PI4KA: variants seen among roughly 807,000 people sequenced by gnomAD.
PI4KA encodes phosphatidylinositol 4-kinase alpha.
Under a neutral mutation model 271.4 loss-of-function variants are expected in PI4KA, and 122 were observed. The ratio of observed to expected loss-of-function variants is 0.45; its 90% CI spans 0.39 to 0.52. PI4KA has a LOEUF of 0.52. Ranked by LOEUF, PI4KA falls within the 20% of genes least tolerant of loss-of-function variation. The pLI, the probability that PI4KA is intolerant of heterozygous loss-of-function variation, is 0.00. For synonymous variants in PI4KA, 1,041 were observed against 1,078.8 expected (o/e 0.96, Z 0.69); for missense variants, 1,969 against 2,769.1 (o/e 0.71, Z 6.48).
At chr22:20,728,302 G>A (rs894903714) in intron 39 of PI4KA, among the ~76,000 whole-genome samples, 18 of 152,150 alleles carry the variant, frequency 1.2e-4, no homozygotes, top group African/African-American at 3.6e-4. Flanking sequence ...ACGGCTAAAT[G>A]TTCTATTATG....
At chr22:20,807,732 C>T (rs929786407) in intron 9 of PI4KA, among the ~76,000 whole-genome samples, 5 of 152,148 alleles carry the variant, frequency 3.3e-5, no homozygotes, top group African/African-American at 1.2e-4. Context: ...GTGGCTGAAG[C>T]TCACCATCTT....
chr22:20,712,865 A>G, intron 48 of PI4KA, 68 bp from the exon 49 acceptor site: 1 of 1,550,016 alleles, frequency 6.5e-7, no homozygotes, highest in Admixed American at 2.0e-5. Flanking sequence ...CTTCTGGCTC[A>G]TGCAGGGCAA....
chr22:20,804,860 G>A (rs1422725416), intron 11 of PI4KA, 114 bp downstream of exon 11: 3 of 837,528 alleles, frequency 3.6e-6, no homozygotes, highest in South Asian at 3.3e-5. Flanking sequence ...TACTGCAACT[G>A]CCTGTGCTGG....
intron 32 of PI4KA, among the ~76,000 whole-genome samples, chr22:20,737,072 T>C (rs1928821680): frequency 6.6e-6 from 1 of 152,314 alleles, no homozygotes; most frequent in Non-Finnish European, 1.5e-5. Context: ...CAGTTCACCA[T>C]GCAGGCTGTG....
chr22:20,849,439 T>C (rs1291604641), intron 1 of PI4KA, among the ~76,000 whole-genome samples: 1 of 152,156 alleles, frequency 6.6e-6, no homozygotes. Context: ...GTAGAAACAA[T>C]CCAAACATCC....
At chr22:20,721,117 T>C (rs1288414881) in intron 43 of PI4KA, among the ~76,000 whole-genome samples, 181 bp downstream of exon 43, 1 of 152,068 alleles carries the variant, frequency 6.6e-6, no homozygotes, top group Non-Finnish European at 1.5e-5. Context: ...AAAGGTGTCA[T>C]GAAGGAGGGG....
intron 18 of PI4KA, 130 bp downstream of exon 18, chr22:20,796,016 G>C: frequency 1.2e-6 from 1 of 832,186 alleles, no homozygotes; most frequent in Non-Finnish European, 1.9e-6. Flanking sequence ...CTTCTTACTT[G>C]CATTCCAGGC....
At chr22:20,731,324 T>C (rs1286974315) in intron 36 of PI4KA, among the ~76,000 whole-genome samples, 1 of 152,238 alleles carries the variant, frequency 6.6e-6, no homozygotes, top group African/African-American at 2.4e-5. Flanking sequence ...TAAGGACTGT[T>C]TGCCCTCTTC....
rs764607070 is a variant in PI4KA at position 20,733,791 on chromosome 22, T to C, written c.4105A>G (p.Thr1369Ala). The change falls in exon 35 of 55, where the codon ACC (threonine) becomes GCC (alanine). Residue 1369 changes from threonine to alanine, a missense_variant. By Grantham distance (58) the Thr-to-Ala change is moderately conservative (BLOSUM62 0). Transcript: ENST00000255882. The part of the protein sequence containing the change: ...LLHADVVPNA[T>A]IRNVLREKIY... ...TTCTCGCGAAGCACATTGCGGATGG[T>C]TGCATTTGGAACCACATCGGCATGC... 3.1e-6 allele frequency: 5 copies of C among 1,612,836 alleles called. No homozygotes were observed. The highest frequency in any genetic ancestry group is 2.2e-5 in the East Asian group (1 of 44,862).
Position 20,718,713 on chromosome 22 carries a change from G to A in PI4KA, c.5226C>T (p.Thr1742=), listed in dbSNP as rs780280559. 8 of 1,613,558 alleles carry A rather than the reference G, an allele frequency of 5.0e-6. No individual in the cohort carries two copies. In the Admixed American group the frequency reaches 1.0e-4, roughly 20 times the overall value. ...QREFDFFNKI[T]NVSAIIKPYP... Reference sequence around the variant, plus strand: ...CTTACTTGATGATAGCCGACACGTTGGTGATCTTGTTAAAGAAATCAAACT... The same window carrying A: ...CTTACTTGATGATAGCCGACACGTTAGTGATCTTGTTAAAGAAATCAAACT... The change falls in exon 44 of 55, where the codon ACC becomes ACT. Residue 1742 remains threonine (T), a synonymous_variant. Transcript: ENST00000255882.
At chr22:20,789,033 CA>C (rs1295212753) in intron 19 of PI4KA, among the ~76,000 whole-genome samples, 2 of 152,186 alleles carry the variant, frequency 1.3e-5, no homozygotes, top group African/African-American at 4.8e-5. Context: ...ACCCCCGTTT[CA>C]ATGCCTTTTG....
intron 4 of PI4KA, among the ~76,000 whole-genome samples, chr22:20,822,282 A>C (rs1295349923): frequency 2.6e-5 from 4 of 152,160 alleles, no homozygotes; most frequent in Non-Finnish European, 5.9e-5. Context: ...CCCGGGCTCA[A>C]GTGATCCTCC....
chr22:20,754,705 T>C (rs1568992189), intron 23 of PI4KA, among the ~76,000 whole-genome samples: 2 of 152,132 alleles, frequency 1.3e-5, no homozygotes, highest in Non-Finnish European at 2.9e-5. Flanking sequence ...ATCCCAGCAC[T>C]TTGAGAGGCC....
intron 17 of PI4KA, 25 bp downstream of exon 17, chr22:20,798,556 TAAA>T (rs1180768527): frequency 7.7e-7 from 1 of 1,299,184 alleles, no homozygotes; most frequent in East Asian, 2.3e-5. Context: ...ACTGTCATGA[TAAA>T]AAAGTGACAA....
At chr22:20,758,094 A>G (rs738063) in intron 23 of PI4KA, among the ~76,000 whole-genome samples, 73,886 of 151,690 alleles carry the variant, frequency 0.49, 18,518 homozygotes, top group African/African-American at 0.59. Flanking sequence ...GGCCGGGCGC[A>G]GTGGCTCATG....
At chr22:20,807,551 C>T (rs1020905120) in intron 9 of PI4KA, 93 bp from the exon 10 acceptor site, 17 of 692,310 alleles carry the variant, frequency 2.5e-5, no homozygotes, top group Non-Finnish European at 4.4e-5. Context: ...AATGGTGATT[C>T]GTGACTTAGC....
chr22:20,743,423 C>T (rs1022284735), intron 30 of PI4KA, among the ~76,000 whole-genome samples: 4 of 151,938 alleles, frequency 2.6e-5, no homozygotes, highest in African/African-American at 4.8e-5. Flanking sequence ...GGATTACAGG[C>T]GTGAGCGGCC....
rs751646741 is a variant in PI4KA at position 20,784,165 on chromosome 22, C to A, written c.2328+9028G>T. On this transcript the variant is annotated intron_variant, in intron 19 of 54. Coordinates refer to ENST00000255882, the MANE Select transcript of PI4KA (RefSeq NM_058004.4). ...TCAGCATGCTAATTGTGGTCCCACACAAGATGTCTGGGATGAAGACCCTCG... is the reference window on the plus strand; with the variant it reads ...TCAGCATGCTAATTGTGGTCCCACAAAAGATGTCTGGGATGAAGACCCTCG... 2.5e-6 allele frequency: 4 copies of A among 1,614,172 alleles called. No homozygotes were observed. The South Asian group carries it at 4.4e-5, about 18-fold the overall frequency.
rs1928017396 is a variant in PI4KA, at chr22:20,858,800, G to A, written c.-75C>T. On this transcript the variant is annotated 5_prime_UTR_variant, in exon 1 of 55. The change creates a new upstream start codon in the 5' untranslated region. Transcript: ENST00000255882. ...GAGCGCCCGACCTCAGGGCGCAGGC[G>A]TAGGTGCATCCGGCTTTCCCGCCAC... The A allele has an allele frequency of 6.6e-6, 9 of 1,363,546 alleles. No homozygotes were observed. The highest frequency in any genetic ancestry group is 3.3e-5 in the Admixed American group (1 of 30,364). 84.5% of individuals were successfully genotyped at this position (1,363,546 alleles called of 1,614,324 possible).
Sources: gnomAD v4.1 joint callset for allele counts (sites outside exome capture counted in the v4.1 genomes callset) on GRCh38, gnomAD v4.1.1 for gene constraint, MANE v1.5 for transcripts, NCBI Gene and HGNC (gene_info 2026-07-23, HGNC 2026-07-21) for gene names.